Variants in KCNQ1 observed in about 807,000 individuals in gnomAD.
KCNQ1 encodes the protein potassium voltage-gated channel subfamily KQT member 1.
In KCNQ1, 49 loss-of-function variants were observed where a neutral mutation model predicts 72.4. The observed-to-expected ratio is 0.68, with a 90% CI of 0.54 to 0.86. The LOEUF (loss-of-function observed/expected upper bound fraction) is 0.86, where lower values mean the gene tolerates loss of function less well. Among genes scored for constraint, KCNQ1 ranks in the 40% least tolerant of loss-of-function variants. The probability of loss-of-function intolerance (pLI) is 0.00; values close to 1 mark genes in which losing one functional copy is unlikely to be tolerated. For missense variants in KCNQ1, 790 were observed against 945.1 expected, an observed-to-expected ratio of 0.84 and a Z score of 2.15; for synonymous variants, 450 against 412.6, an observed-to-expected ratio of 1.09 and a Z score of -1.10.
rs1554889756 is a variant in KCNQ1 at position 2,541,707 on chromosome 11, T to TA, written c.477+13689_477+13690insA. Among the ~76,000 whole-genome samples the TA allele has an allele frequency of 3.7e-4, 56 of 151,148 alleles. No individual in the cohort carries two copies. Among genetic ancestry groups the TA allele is most frequent in the African/African-American group, 1.3e-3 (54 of 41,078 alleles). ...ATCTCAGGCTCAGGTGTTTTGAGTT[T>TA]TTTTTTTTTTTTAAATGAGGACATC... On this transcript the variant is annotated intron_variant, in intron 2 of 15. Transcript: ENST00000155840. This position sits in a 1 kb window ranked among gnomAD's most constrained non-coding sequence, Gnocchi z 4.8.
At chr11:2,470,712 G>GT (rs1846437673) in intron 1 of KCNQ1, among the ~76,000 whole-genome samples, 1 of 151,438 alleles carries the variant, frequency 6.6e-6, no homozygotes, top group Non-Finnish European at 1.5e-5. Flanking sequence ...GGTGGGGGGG[G>GT]GGGTGCTTAG....
rs1039428772 is a variant in KCNQ1, at chr11:2,671,210, G to A, written c.1514+9129G>A. The A allele has an allele frequency of 5.0e-6, 2 of 398,508 alleles. No homozygotes were observed. The highest frequency in any genetic ancestry group is 8.8e-6 in the Non-Finnish European group (2 of 226,088). 24.7% of individuals were successfully genotyped at this position (398,508 alleles called of 1,614,324 possible). A position where few individuals can be genotyped will look rare whatever the true frequency, so the allele number is the denominator to read the frequency against. Reference sequence around the variant, plus strand: ...AGGAAAGAAAAATAAAAGGTAGAGAGACAGAGGTAGACAGGAGTCCAGGTC... The same window carrying A: ...AGGAAAGAAAAATAAAAGGTAGAGAAACAGAGGTAGACAGGAGTCCAGGTC... On this transcript the variant is annotated intron_variant, in intron 11 of 15. Coordinates refer to ENST00000155840, the MANE Select transcript of KCNQ1 (RefSeq NM_000218.3). This position sits in a 1 kb window ranked among gnomAD's most constrained non-coding sequence, Gnocchi z 4.7.
chr11:2,693,147 A>G (rs772572769), intron 11 of KCNQ1: 1 of 398,468 alleles, frequency 2.5e-6, no homozygotes, highest in African/African-American at 2.1e-5. Flanking sequence ...GATAGCCCTC[A>G]GTCTACACTC....
chr11:2,815,947 TG>T lies in KCNQ1; in HGVS notation c.1795-31815del, dbSNP rs1441768783. On this transcript the variant is annotated intron_variant, in intron 15 of 15. Coordinates refer to ENST00000155840, the MANE Select transcript of KCNQ1 (RefSeq NM_000218.3). This position sits in a 1 kb window ranked among gnomAD's most constrained non-coding sequence, Gnocchi z 5.4. ...CACACCTGTCAGGGTGGAGGGGACT[TG>T]GGGGACCAGCCAGCTGGATATGTTC... Among the ~76,000 whole-genome samples the T allele has an allele frequency of 1.3e-5, 2 of 152,130 alleles. No homozygotes were observed. Among genetic ancestry groups the T allele is most frequent in the Non-Finnish European group, 2.9e-5 (2 of 68,014 alleles).
chr11:2,807,497 C>A (rs1487064203), intron 15 of KCNQ1, among the ~76,000 whole-genome samples: 1 of 152,214 alleles, frequency 6.6e-6, no homozygotes, highest in East Asian at 1.9e-4. Context: ...GGTAACTGAA[C>A]AAACAGTCCT....
At position 2,515,612 on chromosome 11, in the gene KCNQ1, C is replaced by T. The variant is rs927590799; in HGVS notation, c.387-12316C>T. On this transcript the variant is annotated intron_variant, in intron 1 of 15. Coordinates refer to ENST00000155840, the MANE Select transcript of KCNQ1 (RefSeq NM_000218.3). This position sits in a 1 kb window ranked among gnomAD's most constrained non-coding sequence, Gnocchi z 4.7. ...GGGGTGCACAGGTGCATCTGGTCTG[C>T]CCAGCCCCTCCTCACCCTAGGCAGG... Among the ~76,000 whole-genome samples, 17 of 152,128 alleles carry T rather than the reference C, an allele frequency of 1.1e-4. No homozygotes were observed. Among genetic ancestry groups the T allele is most frequent in the Non-Finnish European group, 2.4e-4 (16 of 67,996 alleles).
intron 15 of KCNQ1, among the ~76,000 whole-genome samples, chr11:2,796,061 T>C (rs1482527220): frequency 6.6e-6 from 1 of 152,186 alleles, no homozygotes; most frequent in African/African-American, 2.4e-5. Flanking sequence ...CCGTGCTTGG[T>C]GCCCGTTAAG....
rs1444348292 is a variant in KCNQ1, at chr11:2,690,760, G to A, written c.1514+28679G>A. Reference sequence around the variant, plus strand: ...GAGTATGATCCCAAATCCCTTAGGTGGATGTGGCCTGGCAGGGGGTCAGCA... The same window carrying A: ...GAGTATGATCCCAAATCCCTTAGGTAGATGTGGCCTGGCAGGGGGTCAGCA... On this transcript the variant is annotated intron_variant, in intron 11 of 15. Transcript: ENST00000155840. This position sits in a 1 kb window ranked among gnomAD's most constrained non-coding sequence, Gnocchi z 5.1. The A allele has an allele frequency of 5.0e-6, 2 of 398,556 alleles. No individual in the cohort carries two copies. Among genetic ancestry groups the A allele is most frequent in the Non-Finnish European group, 8.8e-6 (2 of 226,092 alleles). 24.7% of individuals were successfully genotyped at this position (398,556 alleles called of 1,614,324 possible). A position where few individuals can be genotyped will look rare whatever the true frequency, so the allele number is the denominator to read the frequency against.
chr11:2,689,812 G>A, intron 11 of KCNQ1: 1 of 398,752 alleles, frequency 2.5e-6, no homozygotes, highest in African/African-American at 2.1e-5. Context: ...TTCTCAGTGT[G>A]GTGCTTGGCC....
At chr11:2,694,877 G>A in intron 11 of KCNQ1, 1 of 398,668 alleles carries the variant, frequency 2.5e-6, no homozygotes, top group Non-Finnish European at 4.4e-6. Flanking sequence ...TAAATAAGAA[G>A]AAGGAATTGT....
chr11:2,577,413 G>A (rs1848438126), intron 6 of KCNQ1, among the ~76,000 whole-genome samples: 1 of 152,170 alleles, frequency 6.6e-6, no homozygotes, highest in African/African-American at 2.4e-5. Flanking sequence ...CAGTCACCTG[G>A]GCCACCTTCC....
chr11:2,561,863 T>TGGCCAGGGCCTC (rs2133710921), intron 2 of KCNQ1, among the ~76,000 whole-genome samples: 1 of 152,160 alleles, frequency 6.6e-6, no homozygotes, highest in South Asian at 2.1e-4. Context: ...GGCAGGGCCT[T>TGGCCAGGGCCTC]GGGTGGCCAG....
rs889263596 is a variant in KCNQ1, at chr11:2,450,191, G to A, written c.386+4707G>A. Among the ~76,000 whole-genome samples the A allele has an allele frequency of 1.3e-5, 2 of 152,224 alleles. No homozygotes were observed. The highest frequency in any genetic ancestry group is 4.8e-5 in the African/African-American group (2 of 41,470). ...GATTCAAGACTCTGTCCACGGGCAA[G>A]AACAACAAGGCTGGGACAATCTCAT... On this transcript the variant is annotated intron_variant, in intron 1 of 15. Transcript: ENST00000155840. The surrounding 1 kb of genome is among the most constrained non-coding windows in gnomAD (Gnocchi z 7.9).
intron 11 of KCNQ1, among the ~76,000 whole-genome samples, chr11:2,722,211 T>TG (rs1429356997): frequency 2.6e-5 from 4 of 152,110 alleles, no homozygotes; most frequent in Admixed American, 6.5e-5. Context: ...TCCTGCCTTT[T>TG]GGGGGTCCCA....
rs567279135 is a variant in KCNQ1, at chr11:2,547,797, C to T, written c.477+19779C>T. On this transcript the variant is annotated intron_variant, in intron 2 of 15. Coordinates refer to ENST00000155840, the MANE Select transcript of KCNQ1 (RefSeq NM_000218.3). This position sits in a 1 kb window ranked among gnomAD's most constrained non-coding sequence, Gnocchi z 4.2. ...ATGGAAGGGGAGGGGCGGCAGTTCTCAGTGGAGCGGCCGGGCTGCGAGTCT... is the reference window on the plus strand; with the variant it reads ...ATGGAAGGGGAGGGGCGGCAGTTCTTAGTGGAGCGGCCGGGCTGCGAGTCT... Among the ~76,000 whole-genome samples the T allele has an allele frequency of 1.4e-3, 220 of 152,270 alleles. 2 individuals carry two copies. Among genetic ancestry groups the T allele is most frequent in the African/African-American group, 4.9e-3 (204 of 41,558 alleles).
chr11:2,521,490 T>G (rs1447411284), intron 1 of KCNQ1: 1 of 468,582 alleles, frequency 2.1e-6, no homozygotes, highest in East Asian at 7.0e-5. Flanking sequence ...TTCAAGAAAT[T>G]AAGCATACGG....
intron 15 of KCNQ1, among the ~76,000 whole-genome samples, chr11:2,802,644 C>T (rs986414531): frequency 3.3e-5 from 5 of 152,168 alleles, no homozygotes; most frequent in African/African-American, 1.2e-4. Flanking sequence ...GGCAAGAGGC[C>T]CAGCAGATGC....
Position 2,507,870 on chromosome 11 carries a change from C to T in KCNQ1, c.387-20058C>T, listed in dbSNP as rs1847129695. On this transcript the variant is annotated intron_variant, in intron 1 of 15. Coordinates refer to ENST00000155840, the MANE Select transcript of KCNQ1 (RefSeq NM_000218.3). The surrounding 1 kb of genome is among the most constrained non-coding windows in gnomAD (Gnocchi z 5.4). Reference sequence around the variant, plus strand: ...CAAGTCCGGGAGGTTGGGTGTCCTGCAGCCTCCACAGGGGCAATGGAGGAA... The same window carrying T: ...CAAGTCCGGGAGGTTGGGTGTCCTGTAGCCTCCACAGGGGCAATGGAGGAA... Among the ~76,000 whole-genome samples the T allele has an allele frequency of 6.6e-6, 1 of 152,136 alleles. No homozygotes were observed. Among genetic ancestry groups the T allele is most frequent in the Non-Finnish European group, 1.5e-5 (1 of 68,012 alleles).
At chr11:2,672,421 C>T (rs149264822) in intron 11 of KCNQ1, 8 of 398,482 alleles carry the variant, frequency 2.0e-5, no homozygotes, top group African/African-American at 1.6e-4. Context: ...GAGTACAGAA[C>T]AGTCCACCCC....
Sources: allele counts gnomAD v4.1 joint callset (sites outside exome capture counted in the v4.1 genomes callset), GRCh38; gene constraint gnomAD v4.1.1; non-coding constraint Gnocchi (gnomAD v3.1); transcripts MANE v1.5; gene names NCBI Gene and HGNC (gene_info 2026-07-23, HGNC 2026-07-21).